Variants in IRAG1 observed in about 807,000 individuals in gnomAD.
IRAG1 encodes the protein inositol 1,4,5-triphosphate receptor associated 1.
In IRAG1, 62 loss-of-function variants were observed where a neutral mutation model predicts 106.2. The observed-to-expected ratio is 0.58, with a 90% CI of 0.48 to 0.72. The LOEUF (loss-of-function observed/expected upper bound fraction) is 0.72. Ranked by LOEUF, IRAG1 falls within the 30% of genes least tolerant of loss-of-function variation. The probability of loss-of-function intolerance (pLI) is 0.00; values close to 1 mark genes in which losing one functional copy is unlikely to be tolerated. For synonymous variants in IRAG1, 462 were observed against 443.9 expected, an observed-to-expected ratio of 1.04 and a Z score of -0.51; for missense variants, 1,064 against 1,140.7, an observed-to-expected ratio of 0.93 and a Z score of 0.97.
intron 1 of IRAG1, among the ~76,000 whole-genome samples, chr11:10,671,523 C>T (rs1860222318): frequency 6.6e-6 from 1 of 152,250 alleles, no homozygotes; most frequent in Admixed American, 6.5e-5. Flanking sequence ...ACCAGCTTGG[C>T]CATGATGGCA....
At chr11:10,680,413 G>GAA (rs1491246284) in intron 1 of IRAG1, among the ~76,000 whole-genome samples, 3 of 65,712 alleles carry the variant, frequency 4.6e-5, no homozygotes, top group Admixed American at 1.5e-4. Flanking sequence ...AGGAAAGAAA[G>GAA]GGAAAGAAAG....
chr11:10,608,168 TGCAGTG>T (rs1170107640), intron 11 of IRAG1, among the ~76,000 whole-genome samples: 1 of 152,162 alleles, frequency 6.6e-6, no homozygotes, highest in Admixed American at 6.5e-5. Flanking sequence ...CAGGCTGGAG[TGCAGTG>T]GCAGGATCAC....
chr11:10,666,580 G>T (rs147019622), intron 1 of IRAG1, among the ~76,000 whole-genome samples: 15 of 152,326 alleles, frequency 9.8e-5, no homozygotes, highest in African/African-American at 3.4e-4. Flanking sequence ...CTAACAATCA[G>T]ATTTACCTAT....
chr11:10,612,814 A>G (rs1855081073), intron 10 of IRAG1, among the ~76,000 whole-genome samples: 1 of 152,204 alleles, frequency 6.6e-6, no homozygotes, highest in East Asian at 1.9e-4. Flanking sequence ...CTGAAAAAAA[A>G]TTAAGAAATT....
chr11:10,606,646 T>C (rs1854500449), intron 12 of IRAG1, 96 bp downstream of exon 12: 24 of 1,277,912 alleles, frequency 1.9e-5, no homozygotes, highest in Non-Finnish European at 2.6e-5. Context: ...CATTTTTGTC[T>C]AAAAATGTCA....
At chr11:10,601,568 C>T (rs1591587640) in intron 14 of IRAG1, among the ~76,000 whole-genome samples, 1 of 152,152 alleles carries the variant, frequency 6.6e-6, no homozygotes, top group Admixed American at 6.5e-5. Context: ...CAGGGCTGTC[C>T]AGAAAGCCCA....
At position 10,615,603 on chromosome 11, in the gene IRAG1, T is replaced by C. The variant is rs940602665; in HGVS notation, c.1448-5752A>G. ...TACACCATGGAATACTATGCACCCA[T>C]AAAAAAGGATGAGTTCATGTCCTTT... is the stretch of plus-strand genomic sequence containing the variant. On this transcript the variant is annotated intron_variant, in intron 10 of 20. Coordinates refer to ENST00000423302, the MANE Select transcript of IRAG1 (RefSeq NM_130385.4). Among the ~76,000 whole-genome samples, 589 of 152,158 alleles carry C rather than the reference T, an allele frequency of 3.9e-3. 3 individuals carry two copies. The highest frequency in any genetic ancestry group is 0.014 in the African/African-American group (563 of 41,522).
In IRAG1 at chr11:10,652,041, T is replaced by A. The variant is rs758394999; in HGVS notation, c.209A>T (p.Gln70Leu). 13 of 1,580,526 alleles carry A rather than the reference T, an allele frequency of 8.2e-6. No individual in the cohort carries two copies. In the African/African-American group the frequency reaches 1.6e-4, roughly 20 times the overall value. ...EEPPGEPQAA[Q>L]SPAGQGPPAA... is the part of the protein sequence containing the mutation. ...GGCACTTACTTGGCCGGCAGGGCTC[T>A]GGGCTGCCTGTGGCTCTCCGGGGGG... The change falls in exon 2 of 21, where the codon CAG becomes CTG. Residue 70 changes from glutamine to leucine, a missense_variant. Gln to Leu is a moderately radical substitution (Grantham distance 113). Transcript: ENST00000423302.
chr11:10,600,304 C>CTGTT (rs1449854498), intron 15 of IRAG1, among the ~76,000 whole-genome samples: 1 of 152,180 alleles, frequency 6.6e-6, no homozygotes, highest in Non-Finnish European at 1.5e-5. Flanking sequence ...CATGAGTCTG[C>CTGTT]TGTTTTTCTC....
Position 10,659,599 on chromosome 11 carries a change from T to C in IRAG1, c.68-7417A>G, listed in dbSNP as rs929416093. ...TCCTGTGGAGCTCGTATAGGCTTTG[T>C]TGGCTGGGGGTGCCCTGGGAAGGAG... is the stretch of plus-strand genomic sequence containing the variant. On this transcript the variant is annotated intron_variant, in intron 1 of 20. Transcript: ENST00000423302. This position sits in a 1 kb window ranked among gnomAD's most constrained non-coding sequence, Gnocchi z 4.1. Among the ~76,000 whole-genome samples the C allele has an allele frequency of 1.3e-5, 2 of 152,138 alleles. No homozygotes were observed. The highest frequency in any genetic ancestry group is 2.9e-5 in the Non-Finnish European group (2 of 68,020).
chr11:10,612,586 C>A (rs1196413271), intron 10 of IRAG1, among the ~76,000 whole-genome samples: 2 of 149,912 alleles, frequency 1.3e-5, no homozygotes, highest in Non-Finnish European at 3.0e-5. Flanking sequence ...TAGAAATATA[C>A]AAATCAGAAA....
At chr11:10,689,883 T>C (rs1861929718) in intron 1 of IRAG1, among the ~76,000 whole-genome samples, 1 of 152,234 alleles carries the variant, frequency 6.6e-6, no homozygotes, top group African/African-American at 2.4e-5. Context: ...TAGAGGGTTT[T>C]TTATTTCTTT....
intron 3 of IRAG1, among the ~76,000 whole-genome samples, chr11:10,632,461 C>T (rs555766958): frequency 1.2e-4 from 18 of 152,242 alleles, no homozygotes; most frequent in African/African-American, 4.3e-4. Context: ...GCTGGGATTA[C>T]AGGTATGAGC....
At chr11:10,666,374 G>T (rs750010974) in intron 1 of IRAG1, among the ~76,000 whole-genome samples, 6 of 152,212 alleles carry the variant, frequency 3.9e-5, no homozygotes, top group Non-Finnish European at 8.8e-5. Flanking sequence ...TGTTAACAGG[G>T]TTTGAGCTCA....
chr11:10,589,071 G>A (rs1054169142), intron 18 of IRAG1: 2 of 152,158 alleles, frequency 1.3e-5, no homozygotes, highest in African/African-American at 4.8e-5. Flanking sequence ...TGACCTCCAA[G>A]AACAAGGCTC....
intron 1 of IRAG1, among the ~76,000 whole-genome samples, chr11:10,654,938 T>G (rs535119192): frequency 1.3e-5 from 2 of 152,332 alleles, no homozygotes; most frequent in African/African-American, 4.8e-5. Context: ...AAATTCTTAC[T>G]GTATGAATAA....
rs192922303 is a variant in IRAG1, at chr11:10,630,494, C to T, written c.401-783G>A. Among the ~76,000 whole-genome samples, 649 of 152,262 alleles carry T rather than the reference C, an allele frequency of 4.3e-3. 4 individuals carry two copies. The highest frequency in any genetic ancestry group is 0.015 in the African/African-American group (616 of 41,552). On this transcript the variant is annotated intron_variant, in intron 4 of 20. Transcript: ENST00000423302. ...TCAAGTGATTCTCCTGCCTCAGCCTCGCTCGTACTTGTTAGCTCTTTCCTG... is the reference window on the plus strand; with the variant it reads ...TCAAGTGATTCTCCTGCCTCAGCCTTGCTCGTACTTGTTAGCTCTTTCCTG...
intron 4 of IRAG1, 151 bp from the exon 5 acceptor site, chr11:10,629,862 GGACA>G: frequency 2.7e-6 from 2 of 747,800 alleles, no homozygotes; most frequent in Admixed American, 5.8e-5. Flanking sequence ...GGTTGCATGG[GGACA>G]GACAGTGGCT....
intron 2 of IRAG1, among the ~76,000 whole-genome samples, chr11:10,644,084 T>G (rs1454547216): frequency 2.0e-5 from 3 of 152,254 alleles, no homozygotes; most frequent in Non-Finnish European, 2.9e-5. Flanking sequence ...TTTTTTATAA[T>G]GATGGAGCAT....
Sources: allele counts gnomAD v4.1 joint callset (sites outside exome capture counted in the v4.1 genomes callset), GRCh38; gene constraint gnomAD v4.1.1; non-coding constraint Gnocchi (gnomAD v3.1); transcripts MANE v1.5; gene names NCBI Gene and HGNC (gene_info 2026-07-23, HGNC 2026-07-21).